The following LGR5 variants were observed in gnomAD, a reference collection of about 807,000 sequenced individuals.
LGR5 encodes the protein leucine rich repeat containing G protein-coupled receptor 5.
Under a neutral mutation model 76.7 loss-of-function variants are expected in LGR5, and 54 were observed. The observed-to-expected ratio is 0.70, with a 90% CI of 0.57 to 0.88. The LOEUF is 0.88. Ranked by LOEUF, LGR5 falls within the 40% of genes least tolerant of loss-of-function variation. The pLI is 0.00. For synonymous variants in LGR5, 406 were observed against 421.9 expected, an observed-to-expected ratio of 0.96 and a Z score of 0.46; for missense variants, 1,078 against 1,073.3, an observed-to-expected ratio of 1.00 and a Z score of -0.06.
intron 1 of LGR5, among the ~76,000 whole-genome samples, chr12:71,494,618 G>C (rs1196261367): frequency 6.6e-6 from 1 of 151,142 alleles, no homozygotes; most frequent in Non-Finnish European, 1.5e-5. Flanking sequence ...GCACAAGTTT[G>C]TGGTCTATAA....
At chr12:71,486,529 T>C (rs868398851) in intron 1 of LGR5, among the ~76,000 whole-genome samples, 1 of 152,218 alleles carries the variant, frequency 6.6e-6, no homozygotes, top group Non-Finnish European at 1.5e-5. Flanking sequence ...GCAGTGCTTA[T>C]CTGATGTAAA....
chr12:71,451,322 G>T (rs189384763), intron 1 of LGR5, among the ~76,000 whole-genome samples: 1 of 152,304 alleles, frequency 6.6e-6, no homozygotes, highest in Non-Finnish European at 1.5e-5. Context: ...CAGTTAGGTT[G>T]CAGCTTACAA....
In LGR5 at chr12:71,583,752, C is replaced by G; in HGVS notation, c.1742C>G (p.Thr581Arg). The change falls in exon 18 of 18, where the codon ACA (threonine) becomes AGA (arginine). Residue 581 changes from threonine to arginine, a missense_variant. By Grantham distance (71) the Thr-to-Arg change is moderately conservative. Coordinates refer to ENST00000266674, the MANE Select transcript of LGR5 (RefSeq NM_003667.4). ...ALTCNALVTSTVFRSPLYISP... is the reference protein window; with the variant it reads ...ALTCNALVTSRVFRSPLYISP... ...ACTTGTAATGCTTTGGTGACTTCAA[C>G]AGTTTTCAGATCCCCTCTGTACATT... is the stretch of plus-strand genomic sequence containing the variant. 1.2e-6 allele frequency: 2 copies of G among 1,614,106 alleles called. No homozygotes were observed. The highest frequency in any genetic ancestry group is 1.7e-6 in the Non-Finnish European group (2 of 1,180,038).
At chr12:71,473,267 G>A (rs1592469576) in intron 1 of LGR5, among the ~76,000 whole-genome samples, 1 of 152,116 alleles carries the variant, frequency 6.6e-6, no homozygotes, top group East Asian at 1.9e-4. Flanking sequence ...GAATAAATAA[G>A]TGAATGAATT....
chr12:71,571,805 T>G (rs767005170), intron 12 of LGR5, among the ~76,000 whole-genome samples: 47 of 152,214 alleles, frequency 3.1e-4, no homozygotes, highest in Non-Finnish European at 5.3e-4. Flanking sequence ...TTATTATATA[T>G]CCGCTTTTTT....
At chr12:71,575,221 C>A (rs1878796617) in intron 13 of LGR5, among the ~76,000 whole-genome samples, 1 of 151,996 alleles carries the variant, frequency 6.6e-6, no homozygotes, top group Non-Finnish European at 1.5e-5. Context: ...CTGTAAAAAA[C>A]AAAACAAAAC....
chr12:71,558,422 A>C (rs915770051), intron 6 of LGR5, among the ~76,000 whole-genome samples: 15 of 152,156 alleles, frequency 9.9e-5, no homozygotes, highest in African/African-American at 3.4e-4. Flanking sequence ...TACCTTGCCC[A>C]GGGCTACAGA....
intron 3 of LGR5, among the ~76,000 whole-genome samples, chr12:71,534,833 C>G (rs1228713684): frequency 1.3e-5 from 2 of 152,168 alleles, no homozygotes; most frequent in South Asian, 2.1e-4. Context: ...AGAGACCTTC[C>G]CTGACCACCT....
intron 1 of LGR5, among the ~76,000 whole-genome samples, chr12:71,444,057 A>G (rs1415939745): frequency 3.3e-5 from 5 of 152,176 alleles, no homozygotes; most frequent in African/African-American, 1.2e-4. Context: ...CACCGCCTTA[A>G]TATCATAAAT....
intron 1 of LGR5, among the ~76,000 whole-genome samples, chr12:71,463,934 G>A (rs1872766708): frequency 6.6e-6 from 1 of 152,016 alleles, no homozygotes; most frequent in Non-Finnish European, 1.5e-5. Flanking sequence ...AAGTTTAAAA[G>A]GAGGCCTTTG....
At chr12:71,563,526 T>C (rs1280610) in intron 8 of LGR5, among the ~76,000 whole-genome samples, 134,091 of 152,162 alleles carry the variant, frequency 0.88, 61,066 homozygotes, top group East Asian at 1. Flanking sequence ...ACATTCACAG[T>C]CTAAGGCCAC....
At chr12:71,479,707 T>A (rs1397458635) in intron 1 of LGR5, among the ~76,000 whole-genome samples, 4 of 151,790 alleles carry the variant, frequency 2.6e-5, no homozygotes, top group Non-Finnish European at 5.9e-5. Flanking sequence ...GAAGGGACGG[T>A]GGGGTGCAGA....
At chr12:71,456,451 AATACC>A (rs777716148) in intron 1 of LGR5, among the ~76,000 whole-genome samples, 1 of 152,202 alleles carries the variant, frequency 6.6e-6, no homozygotes, top group Non-Finnish European at 1.5e-5. Flanking sequence ...AACCAACAGA[AATACC>A]ATAAAATGTT....
At chr12:71,541,204 CATA>C (rs1275633910) in intron 4 of LGR5, among the ~76,000 whole-genome samples, 1 of 152,150 alleles carries the variant, frequency 6.6e-6, no homozygotes, top group Non-Finnish European at 1.5e-5. Flanking sequence ...GCTCCTTCTA[CATA>C]ATGTTTACAA....
At chr12:71,480,320 C>G (rs576840876) in intron 1 of LGR5, among the ~76,000 whole-genome samples, 55 of 148,962 alleles carry the variant, frequency 3.7e-4, no homozygotes, top group African/African-American at 1.3e-3. Context: ...AAGATCATGC[C>G]ACTGCACTCC....
Position 71,556,789 on chromosome 12 carries a change from A to C in LGR5, c.716+99A>C, listed in dbSNP as rs548918683. On this transcript the variant is annotated intron_variant, in intron 6 of 17. Transcript: ENST00000266674. ...AAGCCAGACTTTGTTTGGTTTGGTTAATTGCCTAAGCTTTCAACAGATATT... is the reference window on the plus strand; with the variant it reads ...AAGCCAGACTTTGTTTGGTTTGGTTCATTGCCTAAGCTTTCAACAGATATT... 6.6e-6 allele frequency: 6 copies of C among 911,216 alleles called. No homozygotes were observed. In the South Asian group the frequency reaches 8.2e-5, roughly 12 times the overall value. 56.4% of individuals were successfully genotyped at this position (911,216 alleles called of 1,614,324 possible). A position where few individuals can be genotyped will look rare whatever the true frequency, so the allele number is the denominator to read the frequency against.
chr12:71,516,590 C>T (rs1470180133), intron 2 of LGR5, among the ~76,000 whole-genome samples: 1 of 35,062 alleles, frequency 2.9e-5, no homozygotes, highest in Non-Finnish European at 6.5e-5. Flanking sequence ...AATTGCTTTG[C>T]TCTCATACCT....
chr12:71,536,518 T>G (rs968682140), intron 4 of LGR5, among the ~76,000 whole-genome samples: 23 of 152,166 alleles, frequency 1.5e-4, no homozygotes, highest in African/African-American at 5.3e-4. Context: ...ACAGTATCAC[T>G]TCTCCTTTGT....
chr12:71,556,788 T>A (rs1486752851), intron 6 of LGR5, 98 bp downstream of exon 6: 4 of 909,996 alleles, frequency 4.4e-6, no homozygotes, highest in Admixed American at 3.5e-5. Flanking sequence ...TTGGTTTGGT[T>A]AATTGCCTAA....
Sources: gnomAD v4.1 joint callset for allele counts (sites outside exome capture counted in the v4.1 genomes callset) on GRCh38, gnomAD v4.1.1 for gene constraint, MANE v1.5 for transcripts, NCBI Gene and HGNC (gene_info 2026-07-23, HGNC 2026-07-21) for gene names.